Variants in PAX5 observed in about 807,000 individuals in gnomAD.
PAX5 encodes the protein paired box protein Pax-5.
Under a neutral mutation model 43.7 loss-of-function variants are expected in PAX5, and 9 were observed. That is an observed-to-expected ratio of 0.21 (90% CI 0.12 to 0.36). The LOEUF (loss-of-function observed/expected upper bound fraction) is 0.36, where lower values mean the gene tolerates loss of function less well. Among genes scored for constraint, PAX5 ranks in the 10% least tolerant of loss-of-function variants. The pLI is 1.00. For synonymous variants in PAX5, 228 were observed against 214.3 expected (o/e 1.06, Z -0.56); for missense variants, 383 against 532.7 (o/e 0.72, Z 2.77).
At chr9:36,895,464 T>A (rs1827781500) in intron 7 of PAX5, among the ~76,000 whole-genome samples, 1 of 152,210 alleles carries the variant, frequency 6.6e-6, no homozygotes, top group African/African-American at 2.4e-5. Flanking sequence ...TGGAGCAGAT[T>A]CTTTGGATTA....
Position 37,006,520 on chromosome 9 carries a change from A to T in PAX5, c.428T>A (p.Val143Glu). Residue 143 changes from valine to glutamate, a missense_variant, in exon 4 of 10, where the codon GTA (valine) becomes GAA (glutamate). Physicochemically the swap from Val to Glu is moderately radical, Grantham distance 121. This residue lies in a region of PAX5 where 291 missense variants were observed against 342.5 expected (regional missense o/e 0.85). Coordinates refer to ENST00000358127, the MANE Select transcript of PAX5 (RefSeq NM_016734.3). ...GACTGGTTGGTTGGGTGGCTGCTGT[A>T]CTTTTGTCCGGATGATCCTGTGGGC... ...SSINRIIRTK[V>E]QQPPNQPVPA... is the part of the protein sequence containing the mutation. 1 of 1,614,106 alleles carries T rather than the reference A, an allele frequency of 6.2e-7. No homozygotes were observed. Among genetic ancestry groups the T allele is most frequent in the Non-Finnish European group, 8.5e-7 (1 of 1,179,988 alleles).
intron 1 of PAX5, among the ~76,000 whole-genome samples, chr9:37,024,999 G>A (rs1840193326): frequency 6.6e-6 from 1 of 152,310 alleles, no homozygotes; most frequent in Non-Finnish European, 1.5e-5. Flanking sequence ...GCCCTAACTG[G>A]TTTGTTTTGG....
intron 1 of PAX5, among the ~76,000 whole-genome samples, chr9:37,022,870 C>A (rs948107273): frequency 6.6e-6 from 1 of 152,146 alleles, no homozygotes; most frequent in Non-Finnish European, 1.5e-5. Flanking sequence ...GACCTGGGAG[C>A]CTGTTACCTT....
At chr9:36,921,837 C>T (rs1830197519) in intron 7 of PAX5, among the ~76,000 whole-genome samples, 1 of 152,216 alleles carries the variant, frequency 6.6e-6, no homozygotes, top group African/African-American at 2.4e-5. Context: ...AGCCACCGCC[C>T]CTCCCTGAGA....
chr9:37,006,605 G>A, intron 3 of PAX5, 68 bp from the exon 4 acceptor site: 1 of 1,282,274 alleles, frequency 7.8e-7, no homozygotes. Flanking sequence ...AACCAGCTAT[G>A]CACAGACAAC....
intron 8 of PAX5, among the ~76,000 whole-genome samples, chr9:36,860,135 G>A (rs886956206): frequency 6.6e-6 from 1 of 151,666 alleles, no homozygotes; most frequent in African/African-American, 2.4e-5. Context: ...TCAGGAGTTC[G>A]AGACCAGCCT....
At chr9:36,915,718 C>T (rs754095158) in intron 7 of PAX5, among the ~76,000 whole-genome samples, 1 of 150,924 alleles carries the variant, frequency 6.6e-6, no homozygotes, top group Non-Finnish European at 1.5e-5. Flanking sequence ...AAATTTATTT[C>T]TTTTGTCTTT....
rs141523257 is a variant in PAX5, at chr9:36,858,381, G to A, written c.1013-11452C>T. Among the ~76,000 whole-genome samples the A allele has an allele frequency of 1.7e-3, 266 of 152,146 alleles. 2 individuals are homozygous for A. Among genetic ancestry groups the A allele is most frequent in the Middle Eastern group, 0.014 (4 of 294 alleles). The stretch of plus-strand genomic sequence containing the variant: ...TAGGAGTCCAAGTCCCTGATCTTCC[G>A]TCTCTACCCATCCCTTCCAGGTTCA... On this transcript the variant is annotated intron_variant, in intron 8 of 9. Coordinates refer to ENST00000358127, the MANE Select transcript of PAX5 (RefSeq NM_016734.3).
intron 5 of PAX5, among the ~76,000 whole-genome samples, chr9:36,986,893 G>C (rs1008442098): frequency 1.8e-4 from 28 of 152,326 alleles, no homozygotes; most frequent in African/African-American, 6.7e-4. Context: ...CACCGGCCAC[G>C]AGTAGGCTCG....
rs368312519 is a variant in PAX5 at position 36,846,967 on chromosome 9, C to T, written c.1013-38G>A. On this transcript the variant is annotated intron_variant, in intron 8 of 9. Coordinates refer to ENST00000358127, the MANE Select transcript of PAX5 (RefSeq NM_016734.3). ...GGTGGAGAGAGAAACAGGAACCAAA[C>T]GTCAAATCCAGTTCAGAAAAGGCCC... The T allele has an allele frequency of 3.9e-5, 57 of 1,475,878 alleles. No individual in the cohort carries two copies. In the Middle Eastern group the frequency reaches 5.2e-4, roughly 13 times the overall value. 91.4% of individuals were successfully genotyped at this position (1,475,878 alleles called of 1,614,324 possible).
chr9:36,932,692 C>T (rs1040462461), intron 6 of PAX5, among the ~76,000 whole-genome samples: 2 of 151,942 alleles, frequency 1.3e-5, no homozygotes, highest in Non-Finnish European at 2.9e-5. Context: ...TTGATTCATG[C>T]ACTTACAATG....
chr9:36,876,893 G>A (rs1015153520), intron 8 of PAX5, among the ~76,000 whole-genome samples: 4 of 152,200 alleles, frequency 2.6e-5, no homozygotes, highest in African/African-American at 9.7e-5. Context: ...CTGAACATGA[G>A]TCCAAGCTAA....
At chr9:36,885,385 A>G (rs1826823822) in intron 7 of PAX5, among the ~76,000 whole-genome samples, 1 of 152,140 alleles carries the variant, frequency 6.6e-6, no homozygotes, top group African/African-American at 2.4e-5. Context: ...ACCTTGAGAG[A>G]GTCCCTTAGT....
chr9:36,963,583 A>G (rs1834151558), intron 6 of PAX5, among the ~76,000 whole-genome samples: 1 of 152,246 alleles, frequency 6.6e-6, no homozygotes, highest in Admixed American at 6.5e-5. Context: ...GCCCACGTTC[A>G]GGGAAGAAGT....
intron 6 of PAX5, among the ~76,000 whole-genome samples, chr9:36,931,418 T>C (rs1831112597): frequency 6.6e-6 from 1 of 152,186 alleles, no homozygotes; most frequent in African/African-American, 2.4e-5. Context: ...AGATTCCCTC[T>C]TCAACAAATG....
chr9:36,860,076 C>T (rs1320816831), intron 8 of PAX5, among the ~76,000 whole-genome samples: 1 of 150,432 alleles, frequency 6.6e-6, no homozygotes, highest in African/African-American at 2.5e-5. Flanking sequence ...TAGTGGCTCA[C>T]ACCTGTAATT....
intron 7 of PAX5, among the ~76,000 whole-genome samples, chr9:36,908,068 G>A (rs900059452): frequency 2.6e-5 from 4 of 151,982 alleles, no homozygotes; most frequent in South Asian, 2.1e-4. Context: ...GCATAGTGGC[G>A]TGCACCTGTA....
intron 3 of PAX5, among the ~76,000 whole-genome samples, chr9:37,011,904 T>G (rs1384215039): frequency 6.6e-6 from 1 of 152,068 alleles, no homozygotes; most frequent in Admixed American, 6.5e-5. Flanking sequence ...TCTTACACAG[T>G]GTCATTTGCA....
At position 37,031,305 on chromosome 9, in the gene PAX5, G is replaced by A. The variant is rs576943072; in HGVS notation, c.46+2681C>T. Among the ~76,000 whole-genome samples the A allele has an allele frequency of 9.9e-5, 15 of 152,266 alleles. No homozygotes were observed. In the South Asian group the frequency reaches 2.3e-3, roughly 23 times the overall value. ...CCCCTTCTAAAGCCTCTGCTTCCCC[G>A]TTTGTTTAATACAGAGAACAAATCC... On this transcript the variant is annotated intron_variant, in intron 1 of 9. Coordinates refer to ENST00000358127, the MANE Select transcript of PAX5 (RefSeq NM_016734.3).
Sources: gnomAD v4.1 joint callset for allele counts (sites outside exome capture counted in the v4.1 genomes callset) on GRCh38, gnomAD v4.1.1 for gene constraint, gnomAD v4.1.1 regional missense constraint, MANE v1.5 for transcripts, NCBI Gene and HGNC (gene_info 2026-07-23, HGNC 2026-07-21) for gene names.